The following CDH8 variants were observed in gnomAD, a reference collection of about 807,000 sequenced individuals.
CDH8 encodes the protein cadherin-8.
A neutral mutation model predicts 68.1 loss-of-function variants in CDH8; 17 were observed. The ratio of observed to expected loss-of-function variants is 0.25; its 90% CI spans 0.17 to 0.37. The LOEUF is 0.37. Ranked by LOEUF, CDH8 falls within the 10% of genes least tolerant of loss-of-function variation. The probability of loss-of-function intolerance (pLI) is 1.00; values close to 1 mark genes in which losing one functional copy is unlikely to be tolerated. For synonymous variants in CDH8, 372 were observed against 365.1 expected, an observed-to-expected ratio of 1.02 and a Z score of -0.21; for missense variants, 763 against 999.3, an observed-to-expected ratio of 0.76 and a Z score of 3.19.
At chr16:61,666,421 A>T (rs886584210) in intron 10 of CDH8, among the ~76,000 whole-genome samples, 68 of 152,134 alleles carry the variant, frequency 4.5e-4, no homozygotes, top group African/African-American at 1.6e-3. Flanking sequence ...GGCAAACCCA[A>T]ATTCTCTATT....
At chr16:61,897,240 CTT>C (rs1963883347) in intron 3 of CDH8, among the ~76,000 whole-genome samples, 2 of 151,840 alleles carry the variant, frequency 1.3e-5, no homozygotes, top group South Asian at 4.1e-4. Flanking sequence ...CATAAAGGCA[CTT>C]CATTACGTAG....
chr16:61,731,508 A>C (rs571917101), intron 8 of CDH8, among the ~76,000 whole-genome samples: 2 of 151,820 alleles, frequency 1.3e-5, no homozygotes, highest in South Asian at 4.1e-4. Context: ...TGCCAAAACC[A>C]CTGTATTTCC....
intron 4 of CDH8, among the ~76,000 whole-genome samples, chr16:61,854,826 A>T (rs1963011301): frequency 6.6e-6 from 1 of 151,930 alleles, no homozygotes; most frequent in Non-Finnish European, 1.5e-5. Flanking sequence ...TCTTTTTTTT[A>T]AGAGAGAGGT....
chr16:61,784,064 A>T (rs1379364551), intron 8 of CDH8, among the ~76,000 whole-genome samples: 2 of 151,682 alleles, frequency 1.3e-5, no homozygotes, highest in East Asian at 3.9e-4. Context: ...TCATAATGAC[A>T]GGATCAAATT....
Position 61,647,475 on chromosome 16 carries a change from G to A in CDH8, c.*6133C>T, listed in dbSNP as rs1034333492. 8.3e-6 allele frequency: 2 copies of A among 240,778 alleles called. No individual in the cohort carries two copies. The highest frequency in any genetic ancestry group is 4.6e-5 in the African/African-American group (2 of 43,910). The allele number at this position is 240,778 out of a possible 1,614,324, so 14.9% of individuals were successfully genotyped here. A position where few individuals can be genotyped will look rare whatever the true frequency, so the allele number is the denominator to read the frequency against. Reference sequence around the variant, plus strand: ...CAGAGTAACGTTGGAAAGGTGGGGGGGGTGATCCCAGTGACTCCTAAATTG... The same window carrying A: ...CAGAGTAACGTTGGAAAGGTGGGGGAGGTGATCCCAGTGACTCCTAAATTG... On this transcript the variant is annotated 3_prime_UTR_variant, in exon 12 of 12. Transcript: ENST00000577390.
intron 8 of CDH8, among the ~76,000 whole-genome samples, chr16:61,782,271 A>G (rs1485103198): frequency 1.3e-5 from 2 of 152,210 alleles, no homozygotes; most frequent in African/African-American, 4.8e-5. Context: ...GCATTGCCTC[A>G]CCTGGGAAGC....
intron 1 of CDH8, among the ~76,000 whole-genome samples, chr16:62,027,774 C>T (rs1246025915): frequency 6.6e-6 from 1 of 152,162 alleles, no homozygotes; most frequent in Non-Finnish European, 1.5e-5. Flanking sequence ...AGAGGAAATA[C>T]ACTTGCATTT....
At chr16:61,685,206 G>C (rs1964084727) in intron 10 of CDH8, among the ~76,000 whole-genome samples, 1 of 149,918 alleles carries the variant, frequency 6.7e-6, no homozygotes, top group African/African-American at 2.5e-5. Flanking sequence ...AAAACCTACA[G>C]ATTTCATCTT....
intron 1 of CDH8, among the ~76,000 whole-genome samples, chr16:62,021,884 C>T (rs1597131626): frequency 1.3e-5 from 2 of 152,082 alleles, no homozygotes; most frequent in East Asian, 3.9e-4. Flanking sequence ...TTTCCCATCT[C>T]CCTCTCTTCC....
intron 2 of CDH8, among the ~76,000 whole-genome samples, chr16:61,964,314 C>T (rs1245765497): frequency 1.3e-5 from 2 of 152,180 alleles, no homozygotes; most frequent in African/African-American, 4.8e-5. Flanking sequence ...TCTAACCTGG[C>T]AGTTCAGGGC....
intron 7 of CDH8, among the ~76,000 whole-genome samples, chr16:61,799,071 G>T (rs921270640): frequency 5.3e-5 from 8 of 152,132 alleles, no homozygotes; most frequent in Admixed American, 1.3e-4. Context: ...TGATGACCTT[G>T]ATCCTCACTG....
intron 10 of CDH8, among the ~76,000 whole-genome samples, chr16:61,665,020 C>T (rs924793081): frequency 1.3e-5 from 2 of 151,962 alleles, no homozygotes; most frequent in East Asian, 3.9e-4. Flanking sequence ...GTAAATAATT[C>T]TTCTGTTGAA....
chr16:61,735,312 A>G (rs548325117), intron 8 of CDH8, among the ~76,000 whole-genome samples: 1 of 152,278 alleles, frequency 6.6e-6, no homozygotes, highest in African/African-American at 2.4e-5. Context: ...TAGGACATTC[A>G]TGACTAACTA....
chr16:61,739,500 T>C (rs759534694), intron 8 of CDH8, among the ~76,000 whole-genome samples: 7 of 150,766 alleles, frequency 4.6e-5, no homozygotes, highest in Non-Finnish European at 1.0e-4. Context: ...GGGGAAGAGA[T>C]TTCAGGGTAT....
chr16:61,954,664 G>A (rs978055747), intron 2 of CDH8, among the ~76,000 whole-genome samples: 1 of 143,992 alleles, frequency 6.9e-6, no homozygotes, highest in Non-Finnish European at 1.5e-5. Flanking sequence ...TTGGGCCACT[G>A]TACTCCAGCC....
intron 2 of CDH8, among the ~76,000 whole-genome samples, chr16:61,947,026 C>T (rs1419093979): frequency 6.6e-6 from 1 of 152,166 alleles, no homozygotes; most frequent in Non-Finnish European, 1.5e-5. Flanking sequence ...ATGTTCAACT[C>T]TCCTATTTAC....
intron 8 of CDH8, among the ~76,000 whole-genome samples, chr16:61,766,668 G>C (rs1249544423): frequency 1.3e-5 from 2 of 151,630 alleles, no homozygotes; most frequent in African/African-American, 2.4e-5. Context: ...TTGTTTGTTT[G>C]TTTGTTTTTA....
At chr16:62,032,351 C>CGT (rs367782243) in intron 1 of CDH8, among the ~76,000 whole-genome samples, 2 of 151,716 alleles carry the variant, frequency 1.3e-5, no homozygotes, top group East Asian at 1.9e-4. Flanking sequence ...TATTTGCGTG[C>CGT]GTGTGTGTGT....
intron 10 of CDH8, among the ~76,000 whole-genome samples, chr16:61,687,760 C>T (rs557387646): frequency 3.5e-4 from 53 of 152,106 alleles, no homozygotes; most frequent in Non-Finnish European, 6.5e-4. Context: ...TCCTTATGTG[C>T]TTCAGTTTTA....
Sources: allele counts gnomAD v4.1 joint callset (sites outside exome capture counted in the v4.1 genomes callset), GRCh38; gene constraint gnomAD v4.1.1; transcripts MANE v1.5; gene names NCBI Gene and HGNC (gene_info 2026-07-23, HGNC 2026-07-21).